Variants in CTNND2 observed in about 807,000 individuals in gnomAD.
CTNND2 encodes the protein catenin delta-2.
CTNND2 carries 22 observed loss-of-function variants against 144.4 expected under a neutral mutation model. The ratio of observed to expected loss-of-function variants is 0.15; its 90% CI spans 0.11 to 0.22. The LOEUF (loss-of-function observed/expected upper bound fraction) is 0.22, where lower values mean the gene tolerates loss of function less well. CTNND2 is among the 10% of genes least tolerant of loss of function. The probability of loss-of-function intolerance (pLI) is 1.00; values close to 1 mark genes in which losing one functional copy is unlikely to be tolerated. For missense variants in CTNND2, 1,353 were observed against 1,618.8 expected (o/e 0.84, Z 2.82); for synonymous variants, 751 against 695.6 (o/e 1.08, Z -1.25).
At chr5:11,433,418 G>A (rs895103876) in intron 3 of CTNND2, among the ~76,000 whole-genome samples, 2 of 152,164 alleles carry the variant, frequency 1.3e-5, no homozygotes, top group Admixed American at 6.5e-5. Flanking sequence ...TGTCAGCAAG[G>A]CTGTTGTATC....
intron 1 of CTNND2, among the ~76,000 whole-genome samples, chr5:11,873,889 A>C (rs1337785528): frequency 3.9e-5 from 6 of 152,190 alleles, no homozygotes; most frequent in African/African-American, 1.2e-4. Flanking sequence ...CTGGTGACAC[A>C]AGCCCCCACT....
intron 3 of CTNND2, among the ~76,000 whole-genome samples, chr5:11,449,878 G>A (rs1356286435): frequency 2.0e-5 from 3 of 152,122 alleles, no homozygotes; most frequent in Non-Finnish European, 2.9e-5. Context: ...AATGTTGACT[G>A]TTCATAAGAA....
At chr5:11,510,705 C>T (rs977651400) in intron 3 of CTNND2, among the ~76,000 whole-genome samples, 3 of 152,196 alleles carry the variant, frequency 2.0e-5, no homozygotes, top group Non-Finnish European at 1.5e-5. Context: ...CCAAGGCGGG[C>T]GGATCACTTG....
At chr5:11,311,087 C>G (rs1333721101) in intron 9 of CTNND2, among the ~76,000 whole-genome samples, 1 of 148,298 alleles carries the variant, frequency 6.7e-6, no homozygotes, top group African/African-American at 2.5e-5. Context: ...CCCACACATA[C>G]ATACACTCTC....
chr5:11,391,817 GT>G, intron 6 of CTNND2, among the ~76,000 whole-genome samples: 1 of 152,276 alleles, frequency 6.6e-6, no homozygotes, highest in South Asian at 2.1e-4. Flanking sequence ...ATTACTGTTG[GT>G]GAGAAAAGAA....
chr5:11,208,089 A>G (rs1297800284), intron 10 of CTNND2, among the ~76,000 whole-genome samples: 1 of 152,226 alleles, frequency 6.6e-6, no homozygotes, highest in Non-Finnish European at 1.5e-5. Context: ...GAATATTAAC[A>G]GAAAATTATT....
chr5:11,751,659 C>T (rs80168108), intron 1 of CTNND2, among the ~76,000 whole-genome samples: 2,214 of 151,782 alleles, frequency 0.015, 55 homozygotes, highest in African/African-American at 0.051. Flanking sequence ...GTTGATTCCA[C>T]GTTTTTGCTA....
intron 1 of CTNND2, among the ~76,000 whole-genome samples, chr5:11,766,884 C>T (rs924135153): frequency 1.4e-4 from 22 of 152,200 alleles, no homozygotes; most frequent in African/African-American, 4.8e-4. Flanking sequence ...GAAATGTTCA[C>T]GGTAATAAAC....
intron 1 of CTNND2, among the ~76,000 whole-genome samples, chr5:11,796,958 G>A (rs904276284): frequency 5.9e-5 from 9 of 152,102 alleles, no homozygotes; most frequent in Non-Finnish European, 1.3e-4. Flanking sequence ...ACAGGAGTGA[G>A]GAATTTTACA....
At chr5:11,591,839 CA>C (rs1779257757) in intron 2 of CTNND2, among the ~76,000 whole-genome samples, 3 of 152,096 alleles carry the variant, frequency 2.0e-5, no homozygotes, top group Non-Finnish European at 4.4e-5. Context: ...TTAAACATTC[CA>C]GTTTATTACT....
chr5:11,885,529 C>A (rs1736455235), intron 1 of CTNND2, among the ~76,000 whole-genome samples: 1 of 152,060 alleles, frequency 6.6e-6, no homozygotes. Context: ...CACTCAACAC[C>A]AAAGTGCCCA....
intron 12 of CTNND2, among the ~76,000 whole-genome samples, chr5:11,156,679 A>G (rs1309839545): frequency 6.6e-6 from 1 of 152,098 alleles, no homozygotes; most frequent in African/African-American, 2.4e-5. Flanking sequence ...TTTAAAACAC[A>G]AAAAGGCACC....
At chr5:11,551,451 T>TTTTTTTTTTTTTC (rs1775760024) in intron 3 of CTNND2, among the ~76,000 whole-genome samples, 1 of 127,734 alleles carries the variant, frequency 7.8e-6, no homozygotes, top group African/African-American at 3.3e-5. Flanking sequence ...TTTTTTTTTT[T>TTTTTTTTTTTTTC]TTGATAAGGG....
intron 3 of CTNND2, among the ~76,000 whole-genome samples, chr5:11,470,086 C>T (rs1767036559): frequency 6.6e-6 from 1 of 152,106 alleles, no homozygotes; most frequent in Admixed American, 6.5e-5. Flanking sequence ...ACTCTCGCCC[C>T]CTCCTTCTTT....
chr5:11,567,218 CA>C (rs1777190005), intron 2 of CTNND2, among the ~76,000 whole-genome samples: 1 of 152,002 alleles, frequency 6.6e-6, no homozygotes, highest in Admixed American at 6.6e-5. Flanking sequence ...AGTGCAGTGG[CA>C]CGATCTCTGC....
chr5:11,335,698 A>G (rs1753664747), intron 9 of CTNND2, among the ~76,000 whole-genome samples: 1 of 152,162 alleles, frequency 6.6e-6, no homozygotes, highest in Admixed American at 6.5e-5. Flanking sequence ...GACTAAATCA[A>G]AAGAAAAACC....
chr5:11,649,725 A>G (rs1266446727), intron 2 of CTNND2, among the ~76,000 whole-genome samples: 1 of 152,154 alleles, frequency 6.6e-6, no homozygotes, highest in Non-Finnish European at 1.5e-5. Context: ...TATTGCGGTT[A>G]CTGTTTTATC....
chr5:11,774,564 AAAAAAAAAC>A (rs1561785383), intron 1 of CTNND2, among the ~76,000 whole-genome samples: 7 of 149,954 alleles, frequency 4.7e-5, no homozygotes, highest in African/African-American at 9.8e-5. Context: ...AAAAAATTAA[AAAAAAAAAC>A]AATGATGGCT....
intron 16 of CTNND2, among the ~76,000 whole-genome samples, chr5:11,051,733 C>T (rs1217798452): frequency 6.6e-6 from 1 of 151,996 alleles, no homozygotes; most frequent in Non-Finnish European, 1.5e-5. Flanking sequence ...GAATATCCAC[C>T]AACTATTCAT....
Sources: allele counts gnomAD v4.1 joint callset (sites outside exome capture counted in the v4.1 genomes callset), GRCh38; gene constraint gnomAD v4.1.1; transcripts MANE v1.5; gene names NCBI Gene and HGNC (gene_info 2026-07-23, HGNC 2026-07-21).